RGS6: variants seen among roughly 807,000 people sequenced by gnomAD.
RGS6 encodes the protein regulator of G-protein signaling 6.
RGS6 carries 30 observed loss-of-function variants against 78.5 expected under a neutral mutation model. The ratio of observed to expected loss-of-function variants is 0.38; its 90% CI spans 0.29 to 0.52. The LOEUF is 0.52. Ranked by LOEUF, RGS6 falls within the 20% of genes least tolerant of loss-of-function variation. RGS6 has a pLI of 0.85. For missense variants in RGS6, 495 were observed against 609.7 expected, an observed-to-expected ratio of 0.81 and a Z score of 1.98; for synonymous variants, 206 against 206.0, an observed-to-expected ratio of 1.00 and a Z score of 0.00.
rs560802958 is a variant in RGS6 at position 72,520,621 on chromosome 14, A to G, written c.1278+2084A>G. ...CTCCACCACTATGGTATTAACTAGC[A>G]GTACAATTCACATAAGAAAAGCAGG... is the stretch of plus-strand genomic sequence containing the variant. On this transcript the variant is annotated intron_variant, in intron 15 of 17. Transcript: ENST00000553525. Among the ~76,000 whole-genome samples the G allele has an allele frequency of 2.0e-5, 3 of 152,374 alleles. No homozygotes were observed. The East Asian group carries it at 5.8e-4, about 29-fold the overall frequency.
At chr14:72,052,926 T>TTTCC in intron 2 of RGS6, among the ~76,000 whole-genome samples, 3 of 12,444 alleles carry the variant, frequency 2.4e-4, no homozygotes, top group African/African-American at 5.9e-4. Flanking sequence ...TCATTGTATT[T>TTTCC]TTCTTTCTTT....
the RGS6 span, among the ~76,000 whole-genome samples, chr14:71,925,644 A>G: frequency 6.9e-6 from 1 of 145,758 alleles, no homozygotes; most frequent in Non-Finnish European, 1.5e-5. Context: ...TCCCAGTACC[A>G]TTTATTTAAG....
chr14:72,443,587 C>A (rs545902565), intron 3 of RGS6, among the ~76,000 whole-genome samples: 1 of 152,168 alleles, frequency 6.6e-6, no homozygotes, highest in Non-Finnish European at 1.5e-5. Context: ...AGCCTTAGCC[C>A]CCTAGATTAT....
chr14:72,422,834 G>T (rs1364702937), intron 3 of RGS6, among the ~76,000 whole-genome samples: 1 of 152,204 alleles, frequency 6.6e-6, no homozygotes, highest in African/African-American at 2.4e-5. Context: ...GAGGATGGAG[G>T]CGGAGATCCA....
At chr14:72,250,180 T>A (rs1158079588) in intron 2 of RGS6, among the ~76,000 whole-genome samples, 1 of 151,636 alleles carries the variant, frequency 6.6e-6, no homozygotes, top group African/African-American at 2.4e-5. Flanking sequence ...GCATGACACA[T>A]GTATACATAT....
intron 3 of RGS6, among the ~76,000 whole-genome samples, chr14:72,445,874 C>A (rs545633781): frequency 1.3e-5 from 2 of 152,066 alleles, no homozygotes; most frequent in South Asian, 4.1e-4. Flanking sequence ...AAAATGTGAC[C>A]TTATTTGGAA....
At chr14:72,028,443 T>C (rs1303964097) in intron 2 of RGS6, among the ~76,000 whole-genome samples, 2 of 152,234 alleles carry the variant, frequency 1.3e-5, no homozygotes, top group Non-Finnish European at 2.9e-5. Flanking sequence ...CAGTTAGCTC[T>C]GAAAGGAGAA....
At chr14:72,277,042 G>A (rs533968095) in intron 2 of RGS6, among the ~76,000 whole-genome samples, 4 of 152,174 alleles carry the variant, frequency 2.6e-5, no homozygotes, top group Non-Finnish European at 4.4e-5. Context: ...GGATGTAGGA[G>A]GTATTCAATC....
chr14:72,586,059 A>C, the RGS6 span, among the ~76,000 whole-genome samples: 1 of 152,184 alleles, frequency 6.6e-6, no homozygotes, highest in African/African-American at 2.4e-5. Context: ...TAAAATCTGA[A>C]TTTCAGATCA....
chr14:72,419,509 G>A (rs988754430), intron 3 of RGS6, among the ~76,000 whole-genome samples: 3 of 152,154 alleles, frequency 2.0e-5, no homozygotes, highest in African/African-American at 4.8e-5. Flanking sequence ...AAATCCTATC[G>A]GCTGAACATC....
intron 15 of RGS6, among the ~76,000 whole-genome samples, chr14:72,524,767 A>C (rs914754779): frequency 2.6e-5 from 4 of 152,224 alleles, no homozygotes; most frequent in Admixed American, 6.5e-5. Context: ...ATCTAAAAGC[A>C]CATCATTTTC....
At chr14:71,888,340 C>T in the RGS6 span, among the ~76,000 whole-genome samples, 1 of 151,480 alleles carries the variant, frequency 6.6e-6, no homozygotes, top group Non-Finnish European at 1.5e-5. Flanking sequence ...ATTGCTTGAA[C>T]CCAGGAGGTG....
intron 3 of RGS6, among the ~76,000 whole-genome samples, chr14:72,419,999 C>T (rs755780650): frequency 2.0e-5 from 3 of 152,062 alleles, no homozygotes; most frequent in Non-Finnish European, 4.4e-5. Flanking sequence ...CCATGTGGGC[C>T]GAACATGGGG....
At chr14:72,200,312 T>A (rs2041198466) in intron 2 of RGS6, among the ~76,000 whole-genome samples, 1 of 152,224 alleles carries the variant, frequency 6.6e-6, no homozygotes, top group South Asian at 2.1e-4. Flanking sequence ...TTTCCACCCG[T>A]CCGCCCTGCT....
chr14:72,007,141 A>C (rs1474302365), intron 2 of RGS6, among the ~76,000 whole-genome samples: 1 of 123,954 alleles, frequency 8.1e-6, no homozygotes, highest in African/African-American at 2.8e-5. Context: ...GAGTGCTGAA[A>C]GTGCTTTCTG....
intron 16 of RGS6, 147 bp downstream of exon 16, chr14:72,536,422 GA>G: frequency 1.5e-6 from 1 of 650,200 alleles, no homozygotes. Context: ...CATTCTAATG[GA>G]AAACAGTTAG....
At chr14:72,020,081 T>C (rs753596198) in intron 2 of RGS6, among the ~76,000 whole-genome samples, 3 of 152,220 alleles carry the variant, frequency 2.0e-5, no homozygotes, top group Non-Finnish European at 4.4e-5. Flanking sequence ...TTAATGACTT[T>C]GACAAGAATT....
rs547612445 is a variant in RGS6 at position 72,506,636 on chromosome 14, G to A, written c.966-3518G>A. 3.9e-5 allele frequency among the ~76,000 whole-genome samples: 6 copies of A among 152,276 alleles called. No individual in the cohort carries two copies. In the East Asian group the frequency reaches 9.7e-4, roughly 24 times the overall value. On this transcript the variant is annotated intron_variant, in intron 13 of 17. Transcript: ENST00000553525. Reference sequence around the variant, plus strand: ...CGTACTAGGAAAATAAGGAAGAAATGTGGATCATCCAGTTGTAGTAATACA... The same window carrying A: ...CGTACTAGGAAAATAAGGAAGAAATATGGATCATCCAGTTGTAGTAATACA...
intron 2 of RGS6, among the ~76,000 whole-genome samples, chr14:72,247,878 A>G (rs930692050): frequency 1.3e-5 from 2 of 152,200 alleles, no homozygotes; most frequent in Admixed American, 6.5e-5. Flanking sequence ...CCAGCCCCTC[A>G]ACCTTGGACT....
Sources: allele counts gnomAD v4.1 joint callset (sites outside exome capture counted in the v4.1 genomes callset), GRCh38; gene constraint gnomAD v4.1.1; transcripts MANE v1.5; gene names NCBI Gene and HGNC (gene_info 2026-07-23, HGNC 2026-07-21).